The following PHACTR1 variants were observed in gnomAD, a reference collection of about 807,000 sequenced individuals.
PHACTR1 encodes the protein phosphatase and actin regulator 1.
A neutral mutation model predicts 69.2 loss-of-function variants in PHACTR1; 16 were observed. The observed-to-expected ratio is 0.23, with a 90% confidence interval of 0.16 to 0.35. The LOEUF (loss-of-function observed/expected upper bound fraction) is 0.35, where lower values mean the gene tolerates loss of function less well. Ranked by LOEUF, PHACTR1 falls within the 10% of genes least tolerant of loss-of-function variation. PHACTR1 has a pLI of 1.00. For missense variants in PHACTR1, 510 were observed against 734.7 expected (o/e 0.69, Z 3.54); for synonymous variants, 312 against 284.5 (o/e 1.10, Z -0.97).
intron 4 of PHACTR1, among the ~76,000 whole-genome samples, chr6:12,763,797 T>A (rs1307707779): frequency 6.6e-6 from 1 of 152,228 alleles, no homozygotes; most frequent in Non-Finnish European, 1.5e-5. Flanking sequence ...GCATGATTCA[T>A]TAAAAAATCA....
intron 10 of PHACTR1, among the ~76,000 whole-genome samples, chr6:13,264,135 A>G (rs1028939110): frequency 2.6e-5 from 4 of 152,248 alleles, no homozygotes; most frequent in African/African-American, 9.6e-5. Flanking sequence ...TGAAAGAATA[A>G]GCAAAAGCTA....
intron 3 of PHACTR1, among the ~76,000 whole-genome samples, chr6:12,745,011 C>T (rs1765590110): frequency 6.6e-6 from 1 of 152,074 alleles, no homozygotes; most frequent in Non-Finnish European, 1.5e-5. Context: ...TCCTCAAATT[C>T]TGATTCAGTA....
chr6:13,132,757 C>T (rs1001206211), intron 5 of PHACTR1, among the ~76,000 whole-genome samples: 2 of 151,214 alleles, frequency 1.3e-5, no homozygotes, highest in African/African-American at 2.4e-5. Flanking sequence ...GAATGATCAT[C>T]GGAGGCTTCA....
intron 5 of PHACTR1, among the ~76,000 whole-genome samples, chr6:13,136,363 C>G (rs1216335343): frequency 6.6e-6 from 1 of 152,220 alleles, no homozygotes; most frequent in African/African-American, 2.4e-5. Flanking sequence ...TGGTTTTAGA[C>G]TTTTCTTCCA....
chr6:12,888,676 A>G (rs994119525), intron 4 of PHACTR1, among the ~76,000 whole-genome samples: 7 of 152,188 alleles, frequency 4.6e-5, no homozygotes, highest in Non-Finnish European at 8.8e-5. Flanking sequence ...TTATCTAGAG[A>G]ACACACCCAT....
At chr6:13,069,813 A>G (rs1420941245) in intron 5 of PHACTR1, among the ~76,000 whole-genome samples, 1 of 152,200 alleles carries the variant, frequency 6.6e-6, no homozygotes, top group East Asian at 1.9e-4. Flanking sequence ...ATGGACTTGA[A>G]TCTTGCAACA....
chr6:13,164,827 A>T (rs1427977177), intron 6 of PHACTR1, among the ~76,000 whole-genome samples: 1 of 152,234 alleles, frequency 6.6e-6, no homozygotes, highest in Non-Finnish European at 1.5e-5. Context: ...CTGGTCAATG[A>T]ATTTAATTCA....
chr6:12,931,047 A>G (rs1485457573), intron 4 of PHACTR1, among the ~76,000 whole-genome samples: 6 of 151,168 alleles, frequency 4.0e-5, no homozygotes, highest in Non-Finnish European at 8.8e-5. Context: ...AATGCACAGG[A>G]CAGCCATGTA....
At chr6:12,777,561 T>C (rs527620091) in intron 4 of PHACTR1, among the ~76,000 whole-genome samples, 1 of 151,980 alleles carries the variant, frequency 6.6e-6, no homozygotes, top group Admixed American at 6.5e-5. Flanking sequence ...GCAAAGGCCA[T>C]GACCTCATTC....
At chr6:13,088,134 A>C (rs1315699762) in intron 5 of PHACTR1, among the ~76,000 whole-genome samples, 2 of 152,180 alleles carry the variant, frequency 1.3e-5, no homozygotes, top group Non-Finnish European at 2.9e-5. Flanking sequence ...CAGAGAGTGC[A>C]AGAGAATCTA....
At chr6:12,876,281 C>G (rs370132867) in intron 4 of PHACTR1, among the ~76,000 whole-genome samples, 8 of 152,242 alleles carry the variant, frequency 5.3e-5, no homozygotes, top group South Asian at 4.1e-4. Flanking sequence ...TGAGACTGTT[C>G]TAAATGTAAG....
chr6:13,149,459 G>A (rs1030136273), intron 5 of PHACTR1, among the ~76,000 whole-genome samples: 16 of 152,176 alleles, frequency 1.1e-4, no homozygotes, highest in African/African-American at 3.4e-4. Flanking sequence ...AAGTGCTGAT[G>A]TAGATGACTT....
At chr6:13,185,760 G>A (rs1209711217) in intron 7 of PHACTR1, among the ~76,000 whole-genome samples, 1 of 152,210 alleles carries the variant, frequency 6.6e-6, no homozygotes, top group Non-Finnish European at 1.5e-5. Flanking sequence ...ACCTGATGCT[G>A]ATCGACTGCC....
At chr6:12,897,841 TC>T (rs780282962) in intron 4 of PHACTR1, among the ~76,000 whole-genome samples, 3 of 152,044 alleles carry the variant, frequency 2.0e-5, no homozygotes, top group Non-Finnish European at 2.9e-5. Context: ...ATTAGGTATT[TC>T]TCCTAATGTG....
intron 5 of PHACTR1, among the ~76,000 whole-genome samples, chr6:13,134,196 G>A (rs1223512): frequency 0.33 from 49,396 of 150,568 alleles, 9,136 homozygotes; most frequent in South Asian, 0.47. Flanking sequence ...ACCCCGTCCC[G>A]GAGGGAGGTA....
At chr6:12,958,937 G>A (rs1348027829) in intron 4 of PHACTR1, among the ~76,000 whole-genome samples, 1 of 152,096 alleles carries the variant, frequency 6.6e-6, no homozygotes, top group Non-Finnish European at 1.5e-5. Flanking sequence ...AGCACTGTGG[G>A]AGACCAAGGC....
chr6:13,252,941 T>G, intron 10 of PHACTR1: 1 of 366,232 alleles, frequency 2.7e-6, no homozygotes, highest in South Asian at 1.9e-5. Flanking sequence ...TTTTTGTGTT[T>G]TCGTTTCCAG....
intron 4 of PHACTR1, among the ~76,000 whole-genome samples, chr6:13,023,039 T>A (rs546583803): frequency 7.3e-5 from 11 of 151,708 alleles, no homozygotes; most frequent in Admixed American, 1.3e-4. Flanking sequence ...ATAATAATAA[T>A]AAAAATAAAG....
At chr6:13,044,554 C>G (rs1372805928) in intron 4 of PHACTR1, among the ~76,000 whole-genome samples, 1 of 152,120 alleles carries the variant, frequency 6.6e-6, no homozygotes, top group Non-Finnish European at 1.5e-5. Context: ...ACATGCCCAC[C>G]TCTGGCGTCA....
Sources: allele counts gnomAD v4.1 joint callset (sites outside exome capture counted in the v4.1 genomes callset), GRCh38; gene constraint gnomAD v4.1.1; transcripts MANE v1.5; gene names NCBI Gene and HGNC (gene_info 2026-07-23, HGNC 2026-07-21).